ZNF665: variants seen among roughly 807,000 people sequenced by gnomAD.
The protein encoded by ZNF665 is zinc finger protein 665.
Under a neutral mutation model 7.9 loss-of-function variants are expected in ZNF665, and 6 were observed. That is an observed-to-expected ratio of 0.76 (90% CI 0.42 to 1.50). The LOEUF (loss-of-function observed/expected upper bound fraction) is 1.50, where lower values mean the gene tolerates loss of function less well. Ranked by LOEUF, ZNF665 falls within the 40% of genes most tolerant of loss-of-function variation. The pLI is 0.01. For synonymous variants in ZNF665, 242 were observed against 274.5 expected (o/e 0.88, Z 1.17); for missense variants, 819 against 806.7 (o/e 1.02, Z -0.18).
At chr19:53,191,036 T>G (rs1054171801) in intron 1 of ZNF665, among the ~76,000 whole-genome samples, 5 of 138,722 alleles carry the variant, frequency 3.6e-5, no homozygotes, top group African/African-American at 1.3e-4. Context: ...CAGGAAGGGA[T>G]GAGGAGAATC....
intron 2 of ZNF665, 126 bp downstream of exon 2, chr19:53,182,758 G>A (rs1201691017): frequency 1.4e-6 from 2 of 1,473,410 alleles, no homozygotes; most frequent in Non-Finnish European, 1.9e-6. Flanking sequence ...ACTGAGGGAA[G>A]GCACGAGTGA....
At chr19:53,171,689 C>A (rs1168813767) in intron 3 of ZNF665, among the ~76,000 whole-genome samples, 1 of 151,334 alleles carries the variant, frequency 6.6e-6, no homozygotes, top group Non-Finnish European at 1.5e-5. Context: ...CCACCACGCC[C>A]AGCTGATTTT....
chr19:53,167,204 T>A (rs2090621755), intron 3 of ZNF665, among the ~76,000 whole-genome samples: 1 of 151,988 alleles, frequency 6.6e-6, no homozygotes, highest in South Asian at 2.1e-4. Context: ...TTTCTCCATG[T>A]TGGTCAGGCT....
Position 53,165,819 on chromosome 19 carries a change from T to C in ZNF665, c.671A>G (p.His224Arg), listed in dbSNP as rs2090608586. ...TTTTTCTCCAGTATGGATGACCTGA[T>C]GGATTGTTAGGTTTGAACGAACAGT... ...AFTVRSNLTIHQVIHTGEKPY... is the reference protein window; with the variant it reads ...AFTVRSNLTIRQVIHTGEKPY... Residue 224 changes from histidine to arginine, a missense_variant, in exon 4 of 4, where the codon CAT becomes CGT. By Grantham distance (29) the His-to-Arg change is conservative (BLOSUM62 0). Coordinates refer to ENST00000396424, the MANE Select transcript of ZNF665 (RefSeq NM_024733.5). 1.2e-6 allele frequency: 2 copies of C among 1,614,182 alleles called. No individual in the cohort carries two copies. Among genetic ancestry groups the C allele is most frequent in the South Asian group, 1.1e-5 (1 of 91,088 alleles).
intron 1 of ZNF665, 81 bp downstream of exon 1, chr19:53,193,231 C>G (rs894691688): frequency 6.6e-6 from 1 of 152,176 alleles, no homozygotes; most frequent in African/African-American, 2.4e-5. Context: ...ACTTTAAGGG[C>G]TATACGAACC....
rs966868944 is a variant in ZNF665 at position 53,190,455 on chromosome 19, T to G, written c.-46+2857A>C. 14 of 152,332 alleles carry G rather than the reference T, an allele frequency of 9.2e-5. 1 individual carries two copies. Among genetic ancestry groups the G allele is most frequent in the South Asian group, 4.1e-4 (2 of 4,832 alleles). 9.4% of individuals were successfully genotyped at this position (152,332 alleles called of 1,614,324 possible). A position where few individuals can be genotyped will look rare whatever the true frequency, so the allele number is the denominator to read the frequency against. Reference sequence around the variant, plus strand: ...TCTGCAGTGCACTCCCAGTGGTGGGTCCTACAATTTCACTCCACTCTGACA... The same window carrying G: ...TCTGCAGTGCACTCCCAGTGGTGGGGCCTACAATTTCACTCCACTCTGACA... On this transcript the variant is annotated intron_variant, in intron 1 of 3. Coordinates refer to ENST00000396424, the MANE Select transcript of ZNF665 (RefSeq NM_024733.5).
intron 3 of ZNF665, among the ~76,000 whole-genome samples, chr19:53,174,272 G>C (rs2090679924): frequency 6.6e-6 from 1 of 152,192 alleles, no homozygotes; most frequent in African/African-American, 2.4e-5. Flanking sequence ...TAGAAAGCCA[G>C]TAACAGACGG....
chr19:53,163,037 TTC>T lies in ZNF665; in HGVS notation c.*1414_*1415del, dbSNP rs1244979645. On this transcript the variant is annotated 3_prime_UTR_variant, in exon 4 of 4. Transcript: ENST00000396424. Reference sequence around the variant, plus strand: ...CATGGTCTACTGGTAGAGAATTTCTTTCTTTCTTTTTTTGAGTCAGAGTTTCG... The same window carrying T: ...CATGGTCTACTGGTAGAGAATTTCTTTTTCTTTTTTTGAGTCAGAGTTTCG... 6.6e-6 allele frequency: 1 copy of T among 152,276 alleles called. No homozygotes were observed. Among genetic ancestry groups the T allele is most frequent in the East Asian group, 1.9e-4 (1 of 5,180 alleles). 9.4% of individuals were successfully genotyped at this position (152,276 alleles called of 1,614,324 possible). A position where few individuals can be genotyped will look rare whatever the true frequency, so the allele number is the denominator to read the frequency against.
At position 53,164,213 on chromosome 19, in the gene ZNF665, C is replaced by A. The variant is rs2090585007; in HGVS notation, c.*240G>T. 1.7e-5 allele frequency: 5 copies of A among 285,758 alleles called. No homozygotes were observed. Among genetic ancestry groups the A allele is most frequent in the Non-Finnish European group, 2.6e-5 (4 of 155,138 alleles). 17.7% of individuals were successfully genotyped at this position (285,758 alleles called of 1,614,324 possible). ...GAGTGCAATGGCATGATCTCGCTCA[C>A]TGCAACCTCCGCCTCCCAGGTTCAA... On this transcript the variant is annotated 3_prime_UTR_variant, in exon 4 of 4. Transcript: ENST00000396424.
At chr19:53,176,989 G>A (rs1242247601) in intron 2 of ZNF665, among the ~76,000 whole-genome samples, 1 of 152,116 alleles carries the variant, frequency 6.6e-6, no homozygotes, top group Non-Finnish European at 1.5e-5. Context: ...TGTGGTGGCA[G>A]GCACCTGTGA....
intron 2 of ZNF665, among the ~76,000 whole-genome samples, chr19:53,180,152 G>A (rs1393147155): frequency 6.6e-6 from 1 of 152,098 alleles, no homozygotes; most frequent in Non-Finnish European, 1.5e-5. Flanking sequence ...TAGAGAACAG[G>A]CTGGGTGTGG....
rs566052743 is a variant in ZNF665 at position 53,185,281 on chromosome 19, C to T, written c.-45-2338G>A. 9.9e-4 allele frequency among the ~76,000 whole-genome samples: 150 copies of T among 152,062 alleles called. 1 individual carries two copies. In the Middle Eastern group the frequency reaches 0.031, roughly 31 times the overall value. ...AGACCACGGTCCGCTTGGCAACGGA[C>T]GTCTTCCCAGACGCTGGCGTCACCG... On this transcript the variant is annotated intron_variant, in intron 1 of 3. Coordinates refer to ENST00000396424, the MANE Select transcript of ZNF665 (RefSeq NM_024733.5).
chr19:53,184,573 C>T (rs1402554202), intron 1 of ZNF665, among the ~76,000 whole-genome samples: 2 of 151,896 alleles, frequency 1.3e-5, no homozygotes, highest in Non-Finnish European at 1.5e-5. Flanking sequence ...AACAGGGAGC[C>T]GTGTAGGTGG....
At chr19:53,189,215 G>C (rs890884921) in intron 1 of ZNF665, among the ~76,000 whole-genome samples, 1 of 151,942 alleles carries the variant, frequency 6.6e-6, no homozygotes. Flanking sequence ...CAGCTGTAGG[G>C]ACCAGCCCCA....
In ZNF665 at chr19:53,172,598, A is replaced by G. The variant is rs543754447; in HGVS notation, c.142+2847T>C. Among the ~76,000 whole-genome samples the G allele has an allele frequency of 2.3e-4, 35 of 152,146 alleles. 1 individual carries two copies. In the East Asian group the frequency reaches 5.0e-3, roughly 22 times the overall value. On this transcript the variant is annotated intron_variant, in intron 3 of 3. Transcript: ENST00000396424. ...TCAGCACTTTGGGAGGCCAAGGTGG[A>G]TGGATCATGTGAGACCAGGGGTTTG...
intron 3 of ZNF665, among the ~76,000 whole-genome samples, chr19:53,173,431 G>A (rs1462916706): frequency 7.9e-6 from 1 of 127,084 alleles, no homozygotes; most frequent in Non-Finnish European, 1.6e-5. Flanking sequence ...CTGGAGTGCA[G>A]TGGCACAATC....
In ZNF665 at chr19:53,175,464, A is replaced by G. The variant is rs772234934; in HGVS notation, c.123T>C (p.Tyr41=). The change falls in exon 3 of 4, where the codon TAT becomes TAC. Residue 41 remains tyrosine, a synonymous_variant. Transcript: ENST00000396424. ...CCTCACCCAGGGAGACCAGGTTCCT[A>G]TAATTCTCCAACATGACGTCCCTGT... ...TLYRDVMLEN[Y]RNLVSLDISC... is the part of the protein sequence containing the mutation. The G allele has an allele frequency of 3.7e-6, 6 of 1,612,340 alleles. No homozygotes were observed. In the South Asian group the frequency reaches 5.5e-5, roughly 15 times the overall value.
intron 3 of ZNF665, among the ~76,000 whole-genome samples, chr19:53,175,213 C>T (rs2090687718): frequency 6.6e-6 from 1 of 152,100 alleles, no homozygotes; most frequent in South Asian, 2.1e-4. Context: ...TTTTAAAAGT[C>T]TGGTACAAGG....
chr19:53,182,475 C>T (rs1467189495), intron 2 of ZNF665: 15 of 515,420 alleles, frequency 2.9e-5, no homozygotes, highest in South Asian at 2.9e-4. Context: ...TCCCCACAGT[C>T]GTCTCATTTT....
Sources: gnomAD v4.1 joint callset for allele counts (sites outside exome capture counted in the v4.1 genomes callset) on GRCh38, gnomAD v4.1.1 for gene constraint, MANE v1.5 for transcripts, NCBI Gene and HGNC (gene_info 2026-07-23, HGNC 2026-07-21) for gene names.